Variants in AGMAT observed in about 807,000 individuals in gnomAD.
AGMAT encodes the protein guanidino acid hydrolase, mitochondrial.
A neutral mutation model predicts 29.3 loss-of-function variants in AGMAT; 37 were observed. The ratio of observed to expected loss-of-function variants is 1.26; its 90% CI spans 0.97 to 1.66. The LOEUF (loss-of-function observed/expected upper bound fraction) is 1.66, where lower values mean the gene tolerates loss of function less well. Among genes scored for constraint, AGMAT ranks in the 40% most tolerant of loss-of-function variants. AGMAT has a pLI of 0.00. For synonymous variants in AGMAT, 199 were observed against 200.8 expected (o/e 0.99, Z 0.08); for missense variants, 498 against 497.8 (o/e 1.00, Z 0.00).
chr1:15,580,809 C>G (rs180693936), intron 2 of AGMAT, among the ~76,000 whole-genome samples: 306 of 151,998 alleles, frequency 2.0e-3, no homozygotes, highest in Non-Finnish European at 3.0e-3. Context: ...AACCCCGTCT[C>G]TACTGAAAAT....
chr1:15,574,627 C>A (rs1639006143), intron 6 of AGMAT, 130 bp downstream of exon 6: 1 of 752,930 alleles, frequency 1.3e-6, no homozygotes, highest in African/African-American at 1.7e-5. Flanking sequence ...AGCTGCCCAC[C>A]TTGGCCTCCC....
rs551219694 is a variant in AGMAT at position 15,579,174 on chromosome 1, T to C, written c.525-120A>G. On this transcript the variant is annotated intron_variant, in intron 3 of 6. Transcript: ENST00000375826. ...CCAAAAAGGGGAGACCTGGCATCCG[T>C]TTTCTGCCTTGCAACTGGTTCCTGT... The C allele has an allele frequency of 1.4e-5, 13 of 909,122 alleles. No homozygotes were observed. In the African/African-American group the frequency reaches 1.7e-4, roughly 12 times the overall value. 56.3% of individuals were successfully genotyped at this position (909,122 alleles called of 1,614,324 possible). A position where few individuals can be genotyped will look rare whatever the true frequency, so the allele number is the denominator to read the frequency against.
At chr1:15,581,700 C>T (rs945268274) in intron 2 of AGMAT, among the ~76,000 whole-genome samples, 5 of 151,808 alleles carry the variant, frequency 3.3e-5, no homozygotes, top group Non-Finnish European at 7.4e-5. Flanking sequence ...ATGTTGAAAC[C>T]CTATTTCTAC....
chr1:15,578,774 C>T lies in AGMAT; in HGVS notation c.720+85G>A, dbSNP rs1639072377. The stretch of plus-strand genomic sequence containing the variant: ...GCTTCAGACTTGATTAGTAAAGCCC[C>T]CGCTCAATCCCTGGCTGCCACTGGT... On this transcript the variant is annotated intron_variant, in intron 4 of 6. Coordinates refer to ENST00000375826, the MANE Select transcript of AGMAT (RefSeq NM_024758.5). The T allele has an allele frequency of 4.8e-6, 7 of 1,446,964 alleles. No individual in the cohort carries two copies. The South Asian group carries it at 6.5e-5, about 13-fold the overall frequency. 89.6% of individuals were successfully genotyped at this position (1,446,964 alleles called of 1,614,324 possible).
rs754415195 is a variant in AGMAT at position 15,573,724 on chromosome 1, C to T, written c.986G>A (p.Gly329Glu). The T allele has an allele frequency of 1.7e-5, 27 of 1,613,878 alleles. No individual in the cohort carries two copies. Among genetic ancestry groups the T allele is most frequent in the Non-Finnish European group, 1.9e-5 (23 of 1,179,974 alleles). Residue 329 changes from glycine (G) to glutamate (E), a missense_variant and splice_region_variant, in exon 7 of 7, where the codon GGG becomes GAG. Gly to Glu is a moderately conservative substitution (Grantham distance 98). Coordinates refer to ENST00000375826, the MANE Select transcript of AGMAT (RefSeq NM_024758.5). ...VEVSPPYDLS[G>E]NTALLAANLL... ...GTTAGCCGCCAGCAGGGCTGTGTTCCCTAAGAAAAAGTAAAACCTCACATG... is the reference window on the plus strand; with the variant it reads ...GTTAGCCGCCAGCAGGGCTGTGTTCTCTAAGAAAAAGTAAAACCTCACATG...
In AGMAT at chr1:15,578,837, T is replaced by C. The variant is rs755820721; in HGVS notation, c.720+22A>G. 6 of 1,609,874 alleles carry C rather than the reference T, an allele frequency of 3.7e-6. No individual in the cohort carries two copies. The Admixed American group carries it at 1.0e-4, about 27-fold the overall frequency. ...AGGAAGACATTTTGAGGGGCAAGGGTGGGGGGCATTCGGTCTGTCACCTGG... is the reference window on the plus strand; with the variant it reads ...AGGAAGACATTTTGAGGGGCAAGGGCGGGGGGCATTCGGTCTGTCACCTGG... On this transcript the variant is annotated intron_variant, in intron 4 of 6. Transcript: ENST00000375826.
intron 3 of AGMAT, 42 bp downstream of exon 3, chr1:15,580,051 TG>T: frequency 6.3e-7 from 1 of 1,586,880 alleles, no homozygotes; most frequent in South Asian, 1.1e-5. Context: ...CCCTAGCTTC[TG>T]GCTTTTGAAA....
chr1:15,579,554 G>T (rs1238408777), intron 3 of AGMAT, among the ~76,000 whole-genome samples: 2 of 152,296 alleles, frequency 1.3e-5, no homozygotes, highest in East Asian at 3.9e-4. Context: ...ACCCACATGT[G>T]CTTCCACAGA....
chr1:15,573,544 G>T lies in AGMAT; in HGVS notation c.*107C>A. The T allele has an allele frequency of 9.8e-7, 1 of 1,025,252 alleles. No homozygotes were observed. Among genetic ancestry groups the T allele is most frequent in the Admixed American group, 2.0e-5 (1 of 48,890 alleles). The allele number at this position is 1,025,252 out of a possible 1,614,324, so 63.5% of individuals were successfully genotyped here. A position where few individuals can be genotyped will look rare whatever the true frequency, so the allele number is the denominator to read the frequency against. On this transcript the variant is annotated 3_prime_UTR_variant, in exon 7 of 7. Transcript: ENST00000375826. ...ACAGCCAGCAATGACACTTTCAGCA[G>T]AAAGTTTTCTTGGCATAAACTCTTT...
intron 1 of AGMAT, among the ~76,000 whole-genome samples, chr1:15,584,228 C>T (rs181345614): frequency 4.1e-4 from 62 of 152,330 alleles, no homozygotes; most frequent in African/African-American, 1.4e-3. Context: ...CTGCAACCTC[C>T]GTCTCCCGGG....
chr1:15,573,534 A>G lies in AGMAT; in HGVS notation c.*117T>C, dbSNP rs918404444. 9.3e-5 allele frequency: 82 copies of G among 884,430 alleles called. 1 individual carries two copies. Among genetic ancestry groups the G allele is most frequent in the Middle Eastern group, 2.6e-4 (1 of 3,920 alleles). The allele number at this position is 884,430 out of a possible 1,614,324, so 54.8% of individuals were successfully genotyped here. A position where few individuals can be genotyped will look rare whatever the true frequency, so the allele number is the denominator to read the frequency against. The stretch of plus-strand genomic sequence containing the variant: ...TCCCGACTTCACAGCCAGCAATGAC[A>G]CTTTCAGCAGAAAGTTTTCTTGGCA... On this transcript the variant is annotated 3_prime_UTR_variant, in exon 7 of 7. Coordinates refer to ENST00000375826, the MANE Select transcript of AGMAT (RefSeq NM_024758.5).
rs1244115656 is a variant in AGMAT at position 15,584,903 on chromosome 1, G to A, written c.65C>T (p.Ala22Val). The change falls in exon 1 of 7, where the codon GCC becomes GTC. Residue 22 changes from alanine (A) to valine (V), a missense_variant. Coordinates refer to ENST00000375826, the MANE Select transcript of AGMAT (RefSeq NM_024758.5). ...GCGCCCCGGATGAAAGAGCCCTGCG[G>A]CAGGACGCGCGCCCACGCCGGGCCC... is the stretch of plus-strand genomic sequence containing the variant. ...GPGPGVGARPAAGLFHPGRRQ... is the reference protein window; with the variant it reads ...GPGPGVGARPVAGLFHPGRRQ... 6.5e-6 allele frequency: 9 copies of A among 1,392,362 alleles called. No homozygotes were observed. The highest frequency in any genetic ancestry group is 3.0e-5 in the African/African-American group (2 of 65,834). The allele number at this position is 1,392,362 out of a possible 1,614,324, so 86.3% of individuals were successfully genotyped here. A position where few individuals can be genotyped will look rare whatever the true frequency, so the allele number is the denominator to read the frequency against.
At chr1:15,577,927 G>A (rs1216031022) in intron 4 of AGMAT, 63 bp from the exon 5 acceptor site, 1 of 1,521,532 alleles carries the variant, frequency 6.6e-7, no homozygotes, top group Non-Finnish European at 9.0e-7. Flanking sequence ...CTGTTTGCCA[G>A]CCCCATGCTC....
chr1:15,583,161 G>A (rs748920084), intron 2 of AGMAT, 32 bp downstream of exon 2: 7 of 1,606,556 alleles, frequency 4.4e-6, no homozygotes, highest in Non-Finnish European at 6.0e-6. Flanking sequence ...TGAGTGCAGG[G>A]AACTACTCTG....
chr1:15,573,612 T>C lies in AGMAT; in HGVS notation c.*39A>G, dbSNP rs762531374. ...CTCATAAGTTCTTCTTGAGAACTTGTCAGCGACGCAATCTGTTTTGTCTTG... is the reference window on the plus strand; with the variant it reads ...CTCATAAGTTCTTCTTGAGAACTTGCCAGCGACGCAATCTGTTTTGTCTTG... On this transcript the variant is annotated 3_prime_UTR_variant, in exon 7 of 7. Coordinates refer to ENST00000375826, the MANE Select transcript of AGMAT (RefSeq NM_024758.5). 34 of 1,592,812 alleles carry C rather than the reference T, an allele frequency of 2.1e-5. No homozygotes were observed. Among genetic ancestry groups the C allele is most frequent in the Non-Finnish European group, 2.9e-5 (34 of 1,160,652 alleles).
intron 2 of AGMAT, among the ~76,000 whole-genome samples, chr1:15,581,125 A>G (rs1639107704): frequency 6.6e-6 from 1 of 152,200 alleles, no homozygotes; most frequent in African/African-American, 2.4e-5. Flanking sequence ...AGACAAGCAG[A>G]TCGCCTGAGC....
chr1:15,573,704 C>T lies in AGMAT; in HGVS notation c.1006G>A (p.Ala336Thr), dbSNP rs1427475194. 6.2e-7 allele frequency: 1 copy of T among 1,614,068 alleles called. No homozygotes were observed. Among genetic ancestry groups the T allele is most frequent in the Non-Finnish European group, 8.5e-7 (1 of 1,180,024 alleles). Reference protein sequence around the residue: ...DLSGNTALLAANLLFEMLCAL... With the variant: ...DLSGNTALLATNLLFEMLCAL... Reference sequence around the variant, plus strand: ...CATAGCATCTCAAACAGCAGGTTAGCCGCCAGCAGGGCTGTGTTCCCTAAG... The same window carrying T: ...CATAGCATCTCAAACAGCAGGTTAGTCGCCAGCAGGGCTGTGTTCCCTAAG... Residue 336 changes from alanine to threonine, a missense_variant, in exon 7 of 7, where the codon GCT becomes ACT. Ala to Thr is a moderately conservative substitution (Grantham distance 58). Transcript: ENST00000375826.
chr1:15,584,005 G>C (rs1276957384), intron 1 of AGMAT, among the ~76,000 whole-genome samples: 1 of 152,180 alleles, frequency 6.6e-6, no homozygotes. Flanking sequence ...ATTTGGGGAA[G>C]GGGCAGCCAG....
chr1:15,575,756 T>TATTG (rs1639029359), intron 5 of AGMAT: 1 of 151,660 alleles, frequency 6.6e-6, no homozygotes, highest in Non-Finnish European at 1.5e-5. Flanking sequence ...TTTATTTATT[T>TATTG]ATTTATTTAT....
Sources: gnomAD v4.1 joint callset for allele counts (sites outside exome capture counted in the v4.1 genomes callset) on GRCh38, gnomAD v4.1.1 for gene constraint, MANE v1.5 for transcripts, NCBI Gene and HGNC (gene_info 2026-07-23, HGNC 2026-07-21) for gene names.